The following SSBP2 variants were observed in gnomAD, a reference collection of about 807,000 sequenced individuals.
SSBP2 encodes single stranded DNA binding protein 2, also known as single-stranded DNA-binding protein 2.
SSBP2 carries 17 observed loss-of-function variants against 61.8 expected under a neutral mutation model. The ratio of observed to expected loss-of-function variants is 0.28; its 90% CI spans 0.19 to 0.41. The LOEUF is 0.41. Ranked by LOEUF, SSBP2 falls within the 10% of genes least tolerant of loss-of-function variation. The pLI is 1.00. For synonymous variants in SSBP2, 139 were observed against 141.3 expected, an observed-to-expected ratio of 0.98 and a Z score of 0.12; for missense variants, 310 against 458.7, an observed-to-expected ratio of 0.68 and a Z score of 2.96.
chr5:81,598,533 T>G (rs531073146), intron 4 of SSBP2, among the ~76,000 whole-genome samples: 1 of 152,176 alleles, frequency 6.6e-6, no homozygotes, highest in Non-Finnish European at 1.5e-5. Context: ...TAATTCGTTA[T>G]GCAAACATAA....
intron 4 of SSBP2, among the ~76,000 whole-genome samples, chr5:81,538,319 T>C (rs2972235): frequency 0.23 from 35,133 of 152,042 alleles, 5,036 homozygotes; most frequent in Middle Eastern, 0.38. Flanking sequence ...GTCTCTTCAA[T>C]TGAGTGGTAA....
chr5:81,564,078 T>C (rs901897242), intron 4 of SSBP2, among the ~76,000 whole-genome samples: 1 of 152,098 alleles, frequency 6.6e-6, no homozygotes, highest in Admixed American at 6.5e-5. Flanking sequence ...AATTAAAACG[T>C]GGGCTAAGAA....
chr5:81,699,615 C>A (rs1244212760), intron 1 of SSBP2, among the ~76,000 whole-genome samples: 1 of 152,174 alleles, frequency 6.6e-6, no homozygotes, highest in Non-Finnish European at 1.5e-5. Context: ...GCTATTTCTA[C>A]CACATCTGCA....
At chr5:81,585,649 T>C (rs2153491169) in intron 4 of SSBP2, among the ~76,000 whole-genome samples, 1 of 152,272 alleles carries the variant, frequency 6.6e-6, no homozygotes, top group Non-Finnish European at 1.5e-5. Flanking sequence ...TTTCCTCACA[T>C]ATTTATTATT....
At chr5:81,712,880 T>C (rs78140999) in intron 1 of SSBP2, among the ~76,000 whole-genome samples, 1 of 151,874 alleles carries the variant, frequency 6.6e-6, no homozygotes, top group Non-Finnish European at 1.5e-5. Context: ...TGCGCCATCA[T>C]GCCCAGCTAA....
At chr5:81,461,340 T>C (rs1764524674) in intron 9 of SSBP2, among the ~76,000 whole-genome samples, 1 of 152,082 alleles carries the variant, frequency 6.6e-6, no homozygotes, top group Non-Finnish European at 1.5e-5. Context: ...TATTTTAATA[T>C]TAAATGGTTA....
chr5:81,740,330 C>T (rs1258432068), intron 1 of SSBP2, among the ~76,000 whole-genome samples: 1 of 149,934 alleles, frequency 6.7e-6, no homozygotes, highest in Non-Finnish European at 1.5e-5. Flanking sequence ...AAGAATGTAC[C>T]AAAACACCTT....
At chr5:81,641,963 G>C (rs1235506588) in intron 2 of SSBP2, among the ~76,000 whole-genome samples, 3 of 151,982 alleles carry the variant, frequency 2.0e-5, no homozygotes, top group Non-Finnish European at 2.9e-5. Flanking sequence ...ATGTGTGCTT[G>C]TAGGTGTGTG....
chr5:81,581,772 A>G (rs1186014349), intron 4 of SSBP2, among the ~76,000 whole-genome samples: 1 of 152,190 alleles, frequency 6.6e-6, no homozygotes, highest in Admixed American at 6.5e-5. Context: ...GTCTCAATTT[A>G]AGCAAGGATA....
At chr5:81,726,200 T>G (rs913988908) in intron 1 of SSBP2, among the ~76,000 whole-genome samples, 1 of 152,088 alleles carries the variant, frequency 6.6e-6, no homozygotes, top group Non-Finnish European at 1.5e-5. Context: ...TCTGAGGAGT[T>G]TGATGAATTC....
At chr5:81,745,548 T>C (rs557197903) in intron 1 of SSBP2, among the ~76,000 whole-genome samples, 1 of 152,216 alleles carries the variant, frequency 6.6e-6, no homozygotes, top group African/African-American at 2.4e-5. Flanking sequence ...TATTTTAGCA[T>C]ACGCTTACAG....
At chr5:81,559,344 G>A (rs949812408) in intron 4 of SSBP2, among the ~76,000 whole-genome samples, 8 of 145,186 alleles carry the variant, frequency 5.5e-5, no homozygotes, top group South Asian at 2.2e-4. Context: ...CCGAGACTGC[G>A]CCATTGCACT....
intron 16 of SSBP2, among the ~76,000 whole-genome samples, chr5:81,424,228 A>AGCCT (rs1463922073): frequency 2.0e-5 from 3 of 152,068 alleles, no homozygotes; most frequent in African/African-American, 7.2e-5. Flanking sequence ...GTTCGAGACC[A>AGCCT]GCCTGACCAA....
chr5:81,561,100 T>C (rs1773009125), intron 4 of SSBP2, among the ~76,000 whole-genome samples: 1 of 152,132 alleles, frequency 6.6e-6, no homozygotes, highest in East Asian at 1.9e-4. Flanking sequence ...TCTCATTTAC[T>C]TGAATGAATG....
chr5:81,616,119 C>G (rs548423390), intron 3 of SSBP2: 1 of 154,276 alleles, frequency 6.5e-6, no homozygotes, highest in Admixed American at 6.5e-5. Context: ...CGAATAGGAA[C>G]AGCTCCGGTC....
intron 4 of SSBP2, among the ~76,000 whole-genome samples, chr5:81,605,041 C>A (rs1459639836): frequency 6.6e-6 from 1 of 151,874 alleles, no homozygotes; most frequent in Non-Finnish European, 1.5e-5. Context: ...ATATTTTGGA[C>A]CAGTTTAATT....
intron 4 of SSBP2, among the ~76,000 whole-genome samples, chr5:81,585,816 C>G (rs1376329408): frequency 6.6e-6 from 1 of 152,124 alleles, no homozygotes; most frequent in Non-Finnish European, 1.5e-5. Flanking sequence ...CCCAGTATCC[C>G]TCCCCACCAG....
intron 4 of SSBP2, among the ~76,000 whole-genome samples, chr5:81,574,090 G>A (rs1581060265): frequency 6.6e-6 from 1 of 152,022 alleles, no homozygotes; most frequent in Non-Finnish European, 1.5e-5. Flanking sequence ...GCAGTGAGCC[G>A]AGATCGCGCC....
At position 81,751,000 on chromosome 5, in the gene SSBP2, C is replaced by T. The variant is rs1451848291; in HGVS notation, c.43G>A (p.Asp15Asn). Residue 15 changes from aspartate (D) to asparagine (N), a missense_variant, in exon 1 of 17, where the codon GAC becomes AAC. By Grantham distance (23) the Asp-to-Asn change is conservative. This residue lies in a region of SSBP2 where 36 missense variants were observed against 27.0 expected (regional missense o/e 1.33). Transcript: ENST00000320672. ...ACTTACTTCTCCCGGGCCTGGCTGT[C>T]GGACGGGACGGCGCTGCTGTTACTC... is the stretch of plus-strand genomic sequence containing the variant. 1 of 1,598,912 alleles carries T rather than the reference C, an allele frequency of 6.3e-7. No individual in the cohort carries two copies. The highest frequency in any genetic ancestry group is 8.5e-7 in the Non-Finnish European group (1 of 1,172,920).
Sources: gnomAD v4.1 joint callset for allele counts (sites outside exome capture counted in the v4.1 genomes callset) on GRCh38, gnomAD v4.1.1 for gene constraint, gnomAD v4.1.1 regional missense constraint, MANE v1.5 for transcripts, NCBI Gene and HGNC (gene_info 2026-07-23, HGNC 2026-07-21) for gene names.